The following SLC4A4 variants were observed in gnomAD, a reference collection of about 807,000 sequenced individuals.
SLC4A4 encodes the protein electrogenic sodium bicarbonate cotransporter 1.
A neutral mutation model predicts 111.5 loss-of-function variants in SLC4A4; 27 were observed. The observed-to-expected ratio is 0.24, with a 90% CI of 0.18 to 0.33. The LOEUF (loss-of-function observed/expected upper bound fraction) is 0.33, where lower values mean the gene tolerates loss of function less well. Among genes scored for constraint, SLC4A4 ranks in the 10% least tolerant of loss-of-function variants. SLC4A4 has a pLI of 1.00. For synonymous variants in SLC4A4, 443 were observed against 463.4 expected (o/e 0.96, Z 0.57); for missense variants, 909 against 1,315.5 (o/e 0.69, Z 4.78).
rs925478292 is a variant in SLC4A4, at chr4:71,085,827, T to C, written c.-64-6903T>C. Among the ~76,000 whole-genome samples, 6 of 152,002 alleles carry C rather than the reference T, an allele frequency of 3.9e-5. 1 individual carries two copies. The highest frequency in any genetic ancestry group is 3.3e-4 in the Admixed American group (5 of 15,254). On this transcript the variant is annotated intron_variant, in intron 1 of 26. Coordinates refer to the SLC4A4 transcript ENST00000649996. ...TGTAGCCTTGTAGTATAGTTCAAAG[T>C]CAGGTAGCGTGATGCCTCCAGCTTT...
intron 2 of SLC4A4, among the ~76,000 whole-genome samples, chr4:71,174,241 A>G (rs1382310609): frequency 6.6e-6 from 1 of 151,136 alleles, no homozygotes; most frequent in Non-Finnish European, 1.5e-5. Flanking sequence ...ATTAGGCTCA[A>G]TGACCACACC....
At chr4:71,293,795 C>T (rs780402689) in intron 3 of SLC4A4, among the ~76,000 whole-genome samples, 4 of 152,098 alleles carry the variant, frequency 2.6e-5, no homozygotes, top group Admixed American at 6.6e-5. Flanking sequence ...TTTCTTTCCA[C>T]CTCATGTGTT....
At chr4:71,134,740 T>C (rs555245532) in intron 2 of SLC4A4, among the ~76,000 whole-genome samples, 40 of 152,222 alleles carry the variant, frequency 2.6e-4, no homozygotes, top group Non-Finnish European at 5.1e-4. Context: ...TCTAATTATC[T>C]GGTCTTTTGC....
At chr4:71,531,977 T>C in intron 16 of SLC4A4, 85 bp from the exon 17 acceptor site, 1 of 795,536 alleles carries the variant, frequency 1.3e-6, no homozygotes, top group East Asian at 2.6e-5. Context: ...TATTAGCAAA[T>C]ACAAAGTTCT....
intron 1 of SLC4A4, among the ~76,000 whole-genome samples, chr4:71,222,747 T>C (rs921585324): frequency 3.3e-5 from 5 of 152,238 alleles, no homozygotes; most frequent in African/African-American, 1.2e-4. Flanking sequence ...AATAGTGAAC[T>C]GTGCTCATAA....
chr4:71,386,854 G>T (rs115588604), intron 6 of SLC4A4, among the ~76,000 whole-genome samples: 2 of 152,078 alleles, frequency 1.3e-5, no homozygotes, highest in Non-Finnish European at 2.9e-5. Context: ...CACTGATGGT[G>T]CTCAATTGTA....
At chr4:71,475,706 T>G (rs1285181269) in intron 14 of SLC4A4, among the ~76,000 whole-genome samples, 1 of 151,898 alleles carries the variant, frequency 6.6e-6, no homozygotes, top group East Asian at 1.9e-4. Flanking sequence ...CCAAGGTATA[T>G]TAGCCCCATC....
At chr4:71,558,069 T>G (rs1311600936) in intron 22 of SLC4A4, among the ~76,000 whole-genome samples, 184 bp downstream of exon 22, 1 of 151,956 alleles carries the variant, frequency 6.6e-6, no homozygotes, top group Non-Finnish European at 1.5e-5. Context: ...GACCTTAGAA[T>G]CAGGCTCACC....
At chr4:71,307,771 C>T (rs865811437) in intron 3 of SLC4A4, among the ~76,000 whole-genome samples, 2 of 152,044 alleles carry the variant, frequency 1.3e-5, no homozygotes, top group African/African-American at 2.4e-5. Context: ...GGTTGCCTAC[C>T]GTGAATTATA....
intron 2 of SLC4A4, among the ~76,000 whole-genome samples, chr4:71,167,712 C>A (rs7674614): frequency 6.6e-6 from 1 of 152,172 alleles, no homozygotes; most frequent in African/African-American, 2.4e-5. Context: ...CCTCAAAAAT[C>A]GAAACAGTGA....
intron 7 of SLC4A4, among the ~76,000 whole-genome samples, chr4:71,412,943 G>C: frequency 6.6e-6 from 1 of 152,178 alleles, no homozygotes; most frequent in Non-Finnish European, 1.5e-5. Context: ...CTTGACCTTA[G>C]AACAAAGGAG....
At chr4:71,300,290 G>C (rs1256109197) in intron 3 of SLC4A4, 1 of 214,858 alleles carries the variant, frequency 4.7e-6, no homozygotes, top group African/African-American at 2.3e-5. Context: ...ACACGGCCAG[G>C]CTAATGATGA....
chr4:71,352,800 T>C (rs1729961229), intron 5 of SLC4A4, among the ~76,000 whole-genome samples: 1 of 152,196 alleles, frequency 6.6e-6, no homozygotes, highest in Admixed American at 6.5e-5. Flanking sequence ...ATGAGTCAGA[T>C]AGAGAGACAC....
At chr4:71,443,116 CTATATATA>C (rs1168996571) in intron 8 of SLC4A4, among the ~76,000 whole-genome samples, 84 of 65,646 alleles carry the variant, frequency 1.3e-3, no homozygotes, top group Middle Eastern at 9.3e-3. Context: ...CTCTCTCTCT[CTATATATA>C]TATATATATA....
chr4:71,082,673 GT>G (rs141453665), intron 1 of SLC4A4, among the ~76,000 whole-genome samples: 4 of 152,088 alleles, frequency 2.6e-5, no homozygotes, highest in African/African-American at 9.7e-5. Flanking sequence ...TTTAGTAAAT[GT>G]TAACATTTTC....
At chr4:71,515,675 G>T (rs1732315588) in intron 16 of SLC4A4, among the ~76,000 whole-genome samples, 4 of 152,098 alleles carry the variant, frequency 2.6e-5, no homozygotes, top group Admixed American at 6.5e-5. Flanking sequence ...TCTATTTTTA[G>T]AATTGTTATA....
intron 6 of SLC4A4, among the ~76,000 whole-genome samples, chr4:71,371,066 T>A (rs758624083): frequency 2.6e-5 from 4 of 152,138 alleles, no homozygotes; most frequent in Non-Finnish European, 4.4e-5. Context: ...AGACACCTAG[T>A]GAATAACTAA....
chr4:71,380,136 T>G (rs1205516747), intron 6 of SLC4A4, among the ~76,000 whole-genome samples: 1 of 152,228 alleles, frequency 6.6e-6, no homozygotes, highest in African/African-American at 2.4e-5. Flanking sequence ...GAAGCTCTGC[T>G]GCTTTTCTGT....
intron 6 of SLC4A4, among the ~76,000 whole-genome samples, chr4:71,365,805 A>G (rs1731194316): frequency 6.6e-6 from 1 of 152,234 alleles, no homozygotes; most frequent in African/African-American, 2.4e-5. Context: ...TTATTATGGT[A>G]GCTCTAATGT....
Sources: allele counts gnomAD v4.1 joint callset (sites outside exome capture counted in the v4.1 genomes callset), GRCh38; gene constraint gnomAD v4.1.1; transcripts MANE v1.5; gene names NCBI Gene and HGNC (gene_info 2026-07-23, HGNC 2026-07-21).